The following RBM25 variants were observed in gnomAD, a reference collection of about 807,000 sequenced individuals.
The protein encoded by RBM25 is RNA-binding protein 25.
Under a neutral mutation model 120.7 loss-of-function variants are expected in RBM25, and 19 were observed. The observed-to-expected ratio is 0.16, with a 90% CI of 0.11 to 0.23. The LOEUF (loss-of-function observed/expected upper bound fraction) is 0.23. RBM25 is among the 10% of genes least tolerant of loss of function. The pLI, the probability that RBM25 is intolerant of heterozygous loss-of-function variation, is 1.00. For synonymous variants in RBM25, 390 were observed against 326.7 expected (o/e 1.19, Z -2.09); for missense variants, 605 against 1,041.5 (o/e 0.58, Z 5.77).
chr14:73,112,894 C>T (rs1231375317), intron 17 of RBM25, among the ~76,000 whole-genome samples: 1 of 152,078 alleles, frequency 6.6e-6, no homozygotes, highest in African/African-American at 2.4e-5. Flanking sequence ...GCTTTGAACG[C>T]CCAGCCTAGA....
intron 18 of RBM25, among the ~76,000 whole-genome samples, chr14:73,118,508 T>C (rs1029645339): frequency 1.3e-5 from 2 of 151,860 alleles, no homozygotes; most frequent in African/African-American, 4.8e-5. Flanking sequence ...TGTGAGGTTG[T>C]GTTTTTGGAG....
In RBM25 at chr14:73,079,315, C is replaced by T. The variant is rs1015641520; in HGVS notation, c.324+1779C>T. ...GTCGGTGCCTGCAATCCCAACTACGCGGGAGGCTGAGGCAGGAGAATCATT... is the reference window on the plus strand; with the variant it reads ...GTCGGTGCCTGCAATCCCAACTACGTGGGAGGCTGAGGCAGGAGAATCATT... On this transcript the variant is annotated intron_variant, in intron 4 of 18. Transcript: ENST00000261973. Among the ~76,000 whole-genome samples, 8 of 150,358 alleles carry T rather than the reference C, an allele frequency of 5.3e-5. 1 individual carries two copies. The highest frequency in any genetic ancestry group is 1.0e-4 in the Non-Finnish European group (7 of 67,010).
At chr14:73,068,454 C>A (rs1895196661) in intron 1 of RBM25, 3 of 735,742 alleles carry the variant, frequency 4.1e-6, no homozygotes, top group South Asian at 1.3e-5. Context: ...GCTGTATTAT[C>A]AGGAAGGAAC....
intron 6 of RBM25, among the ~76,000 whole-genome samples, chr14:73,091,886 A>AT (rs1033863948): frequency 9.2e-5 from 14 of 152,090 alleles, no homozygotes; most frequent in Admixed American, 7.9e-4. Context: ...TCAAAAAAAA[A>AT]GCGAAGTTAC....
intron 6 of RBM25, among the ~76,000 whole-genome samples, chr14:73,094,373 C>G (rs996243839): frequency 7.2e-5 from 11 of 151,922 alleles, no homozygotes; most frequent in Non-Finnish European, 1.2e-4. Flanking sequence ...TGCTTTATCT[C>G]TAATAGTAAA....
rs1312148673 is a variant in RBM25 at position 73,058,594 on chromosome 14, T to G, written c.-127T>G. 6.6e-6 allele frequency: 1 copy of G among 152,204 alleles called. No individual in the cohort carries two copies. The highest frequency in any genetic ancestry group is 2.4e-5 in the African/African-American group (1 of 41,452). The allele number at this position is 152,204 out of a possible 1,614,324, so 9.4% of individuals were successfully genotyped here. A position where few individuals can be genotyped will look rare whatever the true frequency, so the allele number is the denominator to read the frequency against. On this transcript the variant is annotated 5_prime_UTR_variant, in exon 1 of 19. Coordinates refer to ENST00000261973, the MANE Select transcript of RBM25 (RefSeq NM_021239.3). ...TTTGCGGCCTGTGCGAGTAGGCGCT[T>G]GGGCACTCAGTCTCCCTGGCGAGCG... is the stretch of plus-strand genomic sequence containing the variant.
At position 73,111,097 on chromosome 14, in the gene RBM25, A is replaced by T; in HGVS notation, c.1959A>T (p.Ser653=). The change falls in exon 15 of 19, where the codon TCA becomes TCT. Residue 653 remains serine, a synonymous_variant. Transcript: ENST00000261973. ...PCGIIIPHEN[S]PDQQQPEEHR... ...GTATTATTATTCCTCATGAAAACTC[A>T]CCAGATCAACAGCAACCTGAGGAGC... The T allele has an allele frequency of 1.9e-6, 3 of 1,614,216 alleles. No individual in the cohort carries two copies. Among genetic ancestry groups the T allele is most frequent in the Non-Finnish European group, 2.5e-6 (3 of 1,180,042 alleles).
intron 1 of RBM25, chr14:73,068,238 C>CTTTAATA (rs1895189422): frequency 1.1e-6 from 1 of 875,972 alleles, no homozygotes; most frequent in African/African-American, 1.6e-5. Context: ...AGAAATGCCT[C>CTTTAATA]TTTAATATTT....
chr14:73,094,088 A>G (rs939584499), intron 6 of RBM25, among the ~76,000 whole-genome samples: 1 of 150,446 alleles, frequency 6.6e-6, no homozygotes, highest in Admixed American at 6.7e-5. Flanking sequence ...AGTAGCTGGG[A>G]CTACAGGTGC....
chr14:73,114,412 G>A (rs962792208), intron 18 of RBM25, 79 bp downstream of exon 18: 3 of 1,048,000 alleles, frequency 2.9e-6, no homozygotes, highest in Admixed American at 4.5e-5. Flanking sequence ...AATATAGATG[G>A]GGTCTCACCA....
intron 18 of RBM25, among the ~76,000 whole-genome samples, chr14:73,115,153 C>CGT (rs33924709): frequency 0.052 from 7,689 of 146,686 alleles, 239 homozygotes; most frequent in Middle Eastern, 0.092. Flanking sequence ...GGAACTGATA[C>CGT]GTGTGTGTGT....
intron 4 of RBM25, among the ~76,000 whole-genome samples, chr14:73,078,970 A>G (rs757533712): frequency 2.0e-5 from 3 of 152,210 alleles, no homozygotes; most frequent in African/African-American, 7.2e-5. Flanking sequence ...TTAGCATCCA[A>G]TGATGATTGA....
intron 1 of RBM25, chr14:73,068,641 C>A: frequency 2.5e-6 from 1 of 400,322 alleles, no homozygotes; most frequent in African/African-American, 2.1e-5. Context: ...AGCTCTCTGT[C>A]CAAAGAGAAG....
At chr14:73,084,404 G>T (rs1216934702) in intron 5 of RBM25, among the ~76,000 whole-genome samples, 2 of 152,066 alleles carry the variant, frequency 1.3e-5, no homozygotes, top group Non-Finnish European at 2.9e-5. Context: ...AAGAAACTGG[G>T]TCATTTGTGC....
chr14:73,075,443 G>A (rs2140430334), intron 2 of RBM25, among the ~76,000 whole-genome samples: 1 of 152,304 alleles, frequency 6.6e-6, no homozygotes, highest in South Asian at 2.1e-4. Context: ...ACAGGCGTGA[G>A]CCACTGCGCC....
intron 14 of RBM25, 58 bp downstream of exon 14, chr14:73,109,550 T>C (rs1896261001): frequency 6.5e-7 from 1 of 1,528,988 alleles, no homozygotes; most frequent in Non-Finnish European, 8.9e-7. Context: ...TCCCAGCTCT[T>C]TGGGAGGCCG....
chr14:73,110,753 T>C, intron 14 of RBM25, 78 bp from the exon 15 acceptor site: 1 of 1,493,412 alleles, frequency 6.7e-7, no homozygotes, highest in Non-Finnish European at 9.0e-7. Context: ...AAAGATATTT[T>C]ACAAGAGGTA....
At chr14:73,090,977 A>G (rs1895801293) in intron 6 of RBM25, among the ~76,000 whole-genome samples, 1 of 152,204 alleles carries the variant, frequency 6.6e-6, no homozygotes, top group Non-Finnish European at 1.5e-5. Context: ...TGAAATAAGA[A>G]TTTTCAGGTT....
Position 73,123,063 on chromosome 14 carries a change from AT to A in RBM25, c.*3264del, listed in dbSNP as rs1022102595. The A allele has an allele frequency of 3.3e-5, 5 of 151,988 alleles. No homozygotes were observed. In the East Asian group the frequency reaches 9.7e-4, roughly 29 times the overall value. 9.4% of individuals were successfully genotyped at this position (151,988 alleles called of 1,614,324 possible). A position where few individuals can be genotyped will look rare whatever the true frequency, so the allele number is the denominator to read the frequency against. Reference sequence around the variant, plus strand: ...GCTTTTTTTCCATCCAGCCCTGAAAATTTTTTCTGTAGATAACTTTATGTTG... The same window carrying A: ...GCTTTTTTTCCATCCAGCCCTGAAAATTTTTCTGTAGATAACTTTATGTTG... On this transcript the variant is annotated 3_prime_UTR_variant, in exon 19 of 19. Coordinates refer to ENST00000261973, the MANE Select transcript of RBM25 (RefSeq NM_021239.3).
Sources: gnomAD v4.1 joint callset for allele counts (sites outside exome capture counted in the v4.1 genomes callset) on GRCh38, gnomAD v4.1.1 for gene constraint, MANE v1.5 for transcripts, NCBI Gene and HGNC (gene_info 2026-07-23, HGNC 2026-07-21) for gene names.